IL1RAPL1: variants seen among roughly 807,000 people sequenced by gnomAD.
IL1RAPL1 encodes the protein interleukin-1 receptor accessory protein-like 1.
A neutral mutation model predicts 48.4 loss-of-function variants in IL1RAPL1; 3 were observed. The ratio of observed to expected loss-of-function variants is 0.06; its 90% CI spans 0.03 to 0.16. The LOEUF is 0.16. Among genes scored for constraint, IL1RAPL1 ranks in the 10% least tolerant of loss-of-function variants. The probability of loss-of-function intolerance (pLI) is 1.00; values close to 1 mark genes in which losing one functional copy is unlikely to be tolerated. For missense variants in IL1RAPL1, 349 were observed against 530.6 expected (o/e 0.66, Z 3.36); for synonymous variants, 185 against 187.7 (o/e 0.99, Z 0.12).
At chrX:29,711,183 T>C (rs1220539750) in intron 6 of IL1RAPL1, among the ~76,000 whole-genome samples, 2 of 98,661 alleles carry the variant, frequency 2.0e-5, no homozygotes, top group Non-Finnish European at 3.9e-5. Flanking sequence ...CCTTTTTTTT[T>C]CTTTTCTTTT....
intron 6 of IL1RAPL1, among the ~76,000 whole-genome samples, chrX:29,868,848 C>A (rs1344317863): frequency 3.6e-5 from 4 of 112,284 alleles, no homozygotes; most frequent in Admixed American, 2.8e-4. Context: ...ATGGGATAGG[C>A]AGTGTGGAGA....
intron 2 of IL1RAPL1, among the ~76,000 whole-genome samples, chrX:29,174,403 A>C (rs775867772): frequency 1.1e-3 from 123 of 112,347 alleles, no homozygotes; most frequent in Non-Finnish European, 2.0e-3. Flanking sequence ...ACTCGGAGCC[A>C]TAAAGGAAAA....
intron 1 of IL1RAPL1, among the ~76,000 whole-genome samples, chrX:28,785,076 C>T (rs1936461077): frequency 8.9e-6 from 1 of 111,982 alleles, no homozygotes; most frequent in Non-Finnish European, 1.9e-5. Flanking sequence ...ACTTATACTC[C>T]TATTTGTGTA....
chrX:29,411,769 A>G (rs1602222576), intron 5 of IL1RAPL1, among the ~76,000 whole-genome samples: 2 of 107,109 alleles, frequency 1.9e-5, no homozygotes, highest in African/African-American at 6.8e-5. Context: ...TATAGGCATT[A>G]CTATCTATAT....
chrX:29,382,482 G>A (rs962930429), intron 3 of IL1RAPL1, among the ~76,000 whole-genome samples: 7 of 111,058 alleles, frequency 6.3e-5, no homozygotes, highest in Admixed American at 1.9e-4. Flanking sequence ...CCTCCCCTAC[G>A]GCCAGGGATC....
chrX:29,949,282 C>T (rs1933271874), intron 9 of IL1RAPL1, among the ~76,000 whole-genome samples: 1 of 110,875 alleles, frequency 9.0e-6, no homozygotes, highest in Non-Finnish European at 1.9e-5. Context: ...TCCTTCTTTC[C>T]TCTCAAAAAT....
At chrX:28,756,096 C>T (rs974670531) in intron 1 of IL1RAPL1, among the ~76,000 whole-genome samples, 17 of 111,207 alleles carry the variant, frequency 1.5e-4, no homozygotes, top group Non-Finnish European at 3.2e-4. Context: ...TTATGTATTT[C>T]CCCCATAACT....
At chrX:29,298,440 G>T (rs1043656182) in intron 3 of IL1RAPL1, among the ~76,000 whole-genome samples, 1 of 111,589 alleles carries the variant, frequency 9.0e-6, no homozygotes, top group African/African-American at 3.3e-5. Context: ...TCCACAGACT[G>T]TTCCGAAAAA....
At chrX:28,968,378 TGA>T (rs1368899674) in intron 2 of IL1RAPL1, among the ~76,000 whole-genome samples, 1 of 111,276 alleles carries the variant, frequency 9.0e-6, no homozygotes, top group African/African-American at 3.3e-5. Context: ...ATGCAAATTG[TGA>T]GTTATTTCAT....
intron 1 of IL1RAPL1, among the ~76,000 whole-genome samples, chrX:28,624,478 A>G (rs1204061791): frequency 8.9e-6 from 1 of 112,007 alleles, no homozygotes; most frequent in Non-Finnish European, 1.9e-5. Context: ...AGACACACGT[A>G]CACATGCGTA....
chrX:29,115,324 G>A (rs970321650), intron 2 of IL1RAPL1, among the ~76,000 whole-genome samples: 6 of 111,410 alleles, frequency 5.4e-5, no homozygotes, highest in Non-Finnish European at 1.1e-4. Context: ...TGTTGATTGG[G>A]TTAATGGGAT....
chrX:29,631,448 T>G (rs1324126975), intron 5 of IL1RAPL1, among the ~76,000 whole-genome samples: 1 of 111,212 alleles, frequency 9.0e-6, no homozygotes, highest in East Asian at 2.8e-4. Flanking sequence ...TTTTTTTCTA[T>G]TTTGTAATTT....
At chrX:29,313,253 C>CTG (rs35894909) in intron 3 of IL1RAPL1, among the ~76,000 whole-genome samples, 7,945 of 90,676 alleles carry the variant, frequency 0.088, 524 homozygotes, top group Admixed American at 0.21. Flanking sequence ...ACATACAAGC[C>CTG]TGTGTGTGTG....
intron 6 of IL1RAPL1, among the ~76,000 whole-genome samples, chrX:29,825,180 G>A (rs1302782012): frequency 9.0e-6 from 1 of 110,613 alleles, no homozygotes; most frequent in Non-Finnish European, 1.9e-5. Context: ...CAACATTAGT[G>A]AGCCGGGTAC....
intron 2 of IL1RAPL1, among the ~76,000 whole-genome samples, chrX:29,101,503 G>A (rs1021373182): frequency 1.8e-5 from 2 of 111,110 alleles, no homozygotes; most frequent in African/African-American, 6.5e-5. Context: ...CTCACTCTAC[G>A]AGGCCAGTAT....
At chrX:29,375,206 G>A (rs768975934) in intron 3 of IL1RAPL1, among the ~76,000 whole-genome samples, 1 of 85,910 alleles carries the variant, frequency 1.2e-5, no homozygotes, top group Non-Finnish European at 2.2e-5. Context: ...TTGTTGTCCA[G>A]ACTGGAGTGC....
intron 6 of IL1RAPL1, among the ~76,000 whole-genome samples, chrX:29,720,599 G>A (rs1196865471): frequency 2.7e-5 from 3 of 110,303 alleles, no homozygotes; most frequent in African/African-American, 6.6e-5. Flanking sequence ...ACTGGGGCCT[G>A]TTATGGGGTG....
At chrX:29,823,145 T>C (rs1344525080) in intron 6 of IL1RAPL1, among the ~76,000 whole-genome samples, 1 of 111,859 alleles carries the variant, frequency 8.9e-6, no homozygotes, top group African/African-American at 3.2e-5. Flanking sequence ...TTTGGGCATA[T>C]GCATGATAAG....
chrX:29,911,652 A>G (rs12862333), intron 6 of IL1RAPL1, among the ~76,000 whole-genome samples: 7,176 of 112,142 alleles, frequency 0.064, 255 homozygotes, highest in Admixed American at 0.17. Context: ...TTACTCACTC[A>G]TCAGTGATGT....
Sources: allele counts gnomAD v4.1 joint callset (sites outside exome capture counted in the v4.1 genomes callset), GRCh38; gene constraint gnomAD v4.1.1; transcripts MANE v1.5; gene names NCBI Gene and HGNC (gene_info 2026-07-23, HGNC 2026-07-21).